Variants in FBXO15 observed in about 807,000 individuals in gnomAD.
The protein encoded by FBXO15 is F-box only protein 15.
A neutral mutation model predicts 49.5 loss-of-function variants in FBXO15; 30 were observed. That is an observed-to-expected ratio of 0.61 (90% CI 0.45 to 0.82). The LOEUF (loss-of-function observed/expected upper bound fraction) is 0.82. Ranked by LOEUF, FBXO15 falls within the 40% of genes least tolerant of loss-of-function variation. The probability of loss-of-function intolerance (pLI) is 0.00; values close to 1 mark genes in which losing one functional copy is unlikely to be tolerated. For synonymous variants in FBXO15, 250 were observed against 232.7 expected, an observed-to-expected ratio of 1.07 and a Z score of -0.68; for missense variants, 591 against 631.5, an observed-to-expected ratio of 0.94 and a Z score of 0.69.
intron 8 of FBXO15, among the ~76,000 whole-genome samples, chr18:74,102,743 G>A (rs1190203740): frequency 2.6e-5 from 4 of 152,076 alleles, no homozygotes; most frequent in East Asian, 1.9e-4. Flanking sequence ...AGAAACTGTG[G>A]TGTATATGTA....
chr18:74,078,581 C>A (rs1912355574), intron 9 of FBXO15: 2 of 152,432 alleles, frequency 1.3e-5, no homozygotes, highest in Admixed American at 1.3e-4. Context: ...CAGAATAAAT[C>A]ACTCCCAACC....
At chr18:74,092,984 C>G (rs1030825567) in intron 8 of FBXO15, among the ~76,000 whole-genome samples, 2 of 152,104 alleles carry the variant, frequency 1.3e-5, no homozygotes, top group African/African-American at 2.4e-5. Context: ...CACATTCACA[C>G]CCACAGCTGT....
At chr18:74,132,663 C>G (rs1224813456) in intron 3 of FBXO15, among the ~76,000 whole-genome samples, 5 of 152,118 alleles carry the variant, frequency 3.3e-5, no homozygotes, top group Non-Finnish European at 5.9e-5. Flanking sequence ...CTTCTTGATC[C>G]CCAAATGCTC....
chr18:74,091,990 C>A (rs1357421284), intron 8 of FBXO15, among the ~76,000 whole-genome samples: 1 of 152,158 alleles, frequency 6.6e-6, no homozygotes, highest in Non-Finnish European at 1.5e-5. Flanking sequence ...AAGGCGTTTG[C>A]TTTCTCTCCA....
intron 1 of FBXO15, among the ~76,000 whole-genome samples, chr18:74,143,726 C>T (rs1182018923): frequency 6.6e-6 from 1 of 152,154 alleles, no homozygotes; most frequent in Non-Finnish European, 1.5e-5. Flanking sequence ...GAAACAGGTC[C>T]CTGATGGCCT....
chr18:74,122,060 C>G (rs1914493113), intron 8 of FBXO15, among the ~76,000 whole-genome samples: 1 of 152,188 alleles, frequency 6.6e-6, no homozygotes, highest in Non-Finnish European at 1.5e-5. Context: ...TTCATATTAA[C>G]TCCTCCTGAA....
chr18:74,134,706 A>G (rs1050621522), intron 3 of FBXO15, among the ~76,000 whole-genome samples: 2 of 152,166 alleles, frequency 1.3e-5, no homozygotes, highest in African/African-American at 4.8e-5. Context: ...GCACTAAATT[A>G]TAATCCCTAG....
intron 8 of FBXO15, among the ~76,000 whole-genome samples, chr18:74,091,832 C>A (rs1238141367): frequency 6.6e-6 from 1 of 152,068 alleles, no homozygotes; most frequent in Non-Finnish European, 1.5e-5. Context: ...TCATTTTGAC[C>A]TTGGAGAATC....
At chr18:74,077,937 AACC>A (rs1568153718) in intron 9 of FBXO15, among the ~76,000 whole-genome samples, 4 of 152,164 alleles carry the variant, frequency 2.6e-5, no homozygotes, top group Admixed American at 6.5e-5. Flanking sequence ...AACCTCACCA[AACC>A]CACCAGCATA....
intron 9 of FBXO15, among the ~76,000 whole-genome samples, chr18:74,079,776 T>A (rs1330397470): frequency 6.6e-6 from 1 of 152,190 alleles, no homozygotes; most frequent in East Asian, 1.9e-4. Flanking sequence ...TGGAGGTCAC[T>A]CAACTCTGAG....
At chr18:74,086,273 A>AAAACATTAAAGAAGAATTTCAT (rs1912733101) in intron 8 of FBXO15, among the ~76,000 whole-genome samples, 1 of 152,230 alleles carries the variant, frequency 6.6e-6, no homozygotes, top group African/African-American at 2.4e-5. Context: ...AAAAAACTCA[A>AAAACATTAAAGAAGAATTTCAT]AAACATTAAA....
In FBXO15 at chr18:74,126,092, C is replaced by A. The variant is rs779406123; in HGVS notation, c.795G>T (p.Trp265Cys). ...GATTGTACTTTGCAATTAAAGAATG[C>A]CATCGGAGTCTTTGAACGTTATGCC... ...YKTPTKHRLRWHSLIAKYNLS... is the reference protein window; with the variant it reads ...YKTPTKHRLRCHSLIAKYNLS... Residue 265 changes from tryptophan (W) to cysteine (C), a missense_variant, in exon 6 of 10, where the codon TGG becomes TGT. Physicochemically the swap from Trp to Cys is radical, Grantham distance 215. Transcript: ENST00000419743. 18 of 1,613,338 alleles carry A rather than the reference C, an allele frequency of 1.1e-5. No homozygotes were observed. Among genetic ancestry groups the A allele is most frequent in the Non-Finnish European group, 1.5e-5 (18 of 1,179,644 alleles).
chr18:74,074,012 C>A lies in FBXO15; in HGVS notation c.1264-282G>T, dbSNP rs1157564555. Among the ~76,000 whole-genome samples, 1 of 152,148 alleles carries A rather than the reference C, an allele frequency of 6.6e-6. No homozygotes were observed. The highest frequency in any genetic ancestry group is 1.5e-5 in the Non-Finnish European group (1 of 68,044). ...CAGAGAAATGTGTCACAAATATTGTCCCTCTCCTCATGGAAGTTAAAGTAC... is the reference window on the plus strand; with the variant it reads ...CAGAGAAATGTGTCACAAATATTGTACCTCTCCTCATGGAAGTTAAAGTAC... On this transcript the variant is annotated intron_variant, in intron 9 of 9. Coordinates refer to ENST00000419743, the MANE Select transcript of FBXO15 (RefSeq NM_001142958.2). The surrounding 1 kb of genome is among the most constrained non-coding windows in gnomAD (Gnocchi z 4.7).
intron 6 of FBXO15, among the ~76,000 whole-genome samples, chr18:74,125,507 A>G (rs1052723191): frequency 2.0e-5 from 3 of 152,240 alleles, no homozygotes; most frequent in African/African-American, 7.2e-5. Flanking sequence ...ATAACATCGT[A>G]GACAGCTGAC....
At chr18:74,110,471 G>T (rs1246954627) in intron 8 of FBXO15, among the ~76,000 whole-genome samples, 1 of 151,456 alleles carries the variant, frequency 6.6e-6, no homozygotes, top group Non-Finnish European at 1.5e-5. Context: ...ACAAAATGCG[G>T]AAAAAGCATA....
In FBXO15 at chr18:74,081,926, C is replaced by T. The variant is rs1395532513; in HGVS notation, c.1263+1G>A. 10 of 1,603,114 alleles carry T rather than the reference C, an allele frequency of 6.2e-6. No homozygotes were observed. The highest frequency in any genetic ancestry group is 8.5e-6 in the Non-Finnish European group (10 of 1,175,068). On this transcript the variant is annotated splice_donor_variant, in intron 9 of 9. Coordinates refer to ENST00000419743, the MANE Select transcript of FBXO15 (RefSeq NM_001142958.2). LOFTEE classifies it high-confidence loss of function. ...AGAAAAGAAAACGGTTCTGTTTTTA[C>T]CTTTATACAGCCATCAAAAATATCA...
intron 8 of FBXO15, among the ~76,000 whole-genome samples, chr18:74,083,345 G>C (rs1424347931): frequency 6.6e-6 from 1 of 152,198 alleles, no homozygotes; most frequent in African/African-American, 2.4e-5. Flanking sequence ...ACCTCAGCAG[G>C]GCTCGACGGA....
intron 9 of FBXO15, among the ~76,000 whole-genome samples, chr18:74,078,987 C>T (rs745441009): frequency 1.3e-5 from 2 of 152,214 alleles, no homozygotes; most frequent in Non-Finnish European, 2.9e-5. Context: ...CGGCCACCCA[C>T]AACATGCTGA....
chr18:74,097,486 GC>G (rs1386314207), intron 8 of FBXO15: 2 of 152,232 alleles, frequency 1.3e-5, no homozygotes, highest in Non-Finnish European at 2.9e-5. Context: ...GTGACTATTG[GC>G]TTTGCCCCGC....
Sources: gnomAD v4.1 joint callset for allele counts (sites outside exome capture counted in the v4.1 genomes callset) on GRCh38, gnomAD v4.1.1 for gene constraint, Gnocchi (gnomAD v3.1) non-coding constraint, MANE v1.5 for transcripts, NCBI Gene and HGNC (gene_info 2026-07-23, HGNC 2026-07-21) for gene names.